Variants in CLVS1 observed in about 807,000 individuals in gnomAD.
CLVS1 encodes clavesin-1.
In CLVS1, 10 loss-of-function variants were observed where a neutral mutation model predicts 33.1. That is an observed-to-expected ratio of 0.30 (90% CI 0.19 to 0.51). The LOEUF (loss-of-function observed/expected upper bound fraction) is 0.51. Among genes scored for constraint, CLVS1 ranks in the 20% least tolerant of loss-of-function variants. The pLI, the probability that CLVS1 is intolerant of heterozygous loss-of-function variation, is 0.97. For missense variants in CLVS1, 343 were observed against 433.4 expected, an observed-to-expected ratio of 0.79 and a Z score of 1.85; for synonymous variants, 163 against 166.1, an observed-to-expected ratio of 0.98 and a Z score of 0.14.
chr8:61,001,127 T>C, the CLVS1 span, among the ~76,000 whole-genome samples: 1 of 152,174 alleles, frequency 6.6e-6, no homozygotes, highest in Non-Finnish European at 1.5e-5. Flanking sequence ...GTGGCGCCTT[T>C]TGCTGTTTCC....
At chr8:61,435,392 A>T (rs1378769448) in intron 3 of CLVS1, among the ~76,000 whole-genome samples, 8 of 152,214 alleles carry the variant, frequency 5.3e-5, no homozygotes, top group Non-Finnish European at 1.0e-4. Context: ...AGTGAGTTAG[A>T]ATTTTGTCTT....
At chr8:61,191,802 A>G (rs1325372721) in intron 2 of CLVS1, among the ~76,000 whole-genome samples, 1 of 152,200 alleles carries the variant, frequency 6.6e-6, no homozygotes, top group Non-Finnish European at 1.5e-5. Context: ...TAAAATACCT[A>G]GGAATCCAAC....
the CLVS1 span, among the ~76,000 whole-genome samples, chr8:60,993,765 G>A: frequency 2.0e-5 from 3 of 152,166 alleles, no homozygotes; most frequent in East Asian, 1.9e-4. Flanking sequence ...AGCTACCATC[G>A]GGTGGCAGGT....
the CLVS1 span, among the ~76,000 whole-genome samples, chr8:61,048,636 C>G: frequency 1.3e-5 from 2 of 152,140 alleles, no homozygotes; most frequent in Non-Finnish European, 2.9e-5. Flanking sequence ...CAATGACCAA[C>G]TGATATAGAG....
chr8:61,041,565 G>A, the CLVS1 span, among the ~76,000 whole-genome samples: 1 of 152,140 alleles, frequency 6.6e-6, no homozygotes, highest in Non-Finnish European at 1.5e-5. Flanking sequence ...TGTATTCCTG[G>A]ATATTTTATT....
chr8:61,206,879 G>T (rs978393129), intron 2 of CLVS1, among the ~76,000 whole-genome samples: 6 of 152,112 alleles, frequency 3.9e-5, no homozygotes, highest in Non-Finnish European at 7.4e-5. Context: ...GAGCCAGTGC[G>T]CCCGGCATCT....
At chr8:61,442,783 A>G (rs1816608683) in intron 3 of CLVS1, among the ~76,000 whole-genome samples, 1 of 152,172 alleles carries the variant, frequency 6.6e-6, no homozygotes, top group Non-Finnish European at 1.5e-5. Flanking sequence ...TATTTTTAAT[A>G]CAGATGGGGT....
chr8:61,199,847 C>G (rs1317187379), intron 2 of CLVS1, among the ~76,000 whole-genome samples: 2 of 152,216 alleles, frequency 1.3e-5, no homozygotes, highest in East Asian at 3.8e-4. Flanking sequence ...AGTCTTCCCC[C>G]TCATATTTTA....
At chr8:61,080,909 T>A (rs1234747810) in intron 1 of CLVS1, among the ~76,000 whole-genome samples, 3 of 152,146 alleles carry the variant, frequency 2.0e-5, no homozygotes, top group South Asian at 4.1e-4. Context: ...AAAGAGGTGG[T>A]GTTTGAAGAA....
intron 2 of CLVS1, among the ~76,000 whole-genome samples, chr8:61,195,158 A>T (rs924814384): frequency 4.6e-5 from 7 of 151,982 alleles, no homozygotes; most frequent in Admixed American, 2.0e-4. Context: ...AAAATATACA[A>T]GTAAGTAGTG....
the CLVS1 span, among the ~76,000 whole-genome samples, chr8:61,049,381 T>C: frequency 6.6e-6 from 1 of 152,232 alleles, no homozygotes; most frequent in Non-Finnish European, 1.5e-5. Flanking sequence ...TCAATTTATC[T>C]CCCTTTCTCC....
intron 2 of CLVS1, among the ~76,000 whole-genome samples, chr8:61,349,431 G>A (rs2129598862): frequency 6.6e-6 from 1 of 152,168 alleles, no homozygotes; most frequent in East Asian, 1.9e-4. Context: ...GGTGAGAGGA[G>A]GAGGAGGGAA....
At chr8:61,186,169 A>C (rs1807340764) in intron 2 of CLVS1, among the ~76,000 whole-genome samples, 1 of 152,188 alleles carries the variant, frequency 6.6e-6, no homozygotes, top group Non-Finnish European at 1.5e-5. Context: ...GAGTACGCAG[A>C]TAGGTTAACT....
chr8:61,467,465 C>A (rs1362866264), intron 5 of CLVS1, among the ~76,000 whole-genome samples: 1 of 152,150 alleles, frequency 6.6e-6, no homozygotes, highest in South Asian at 2.1e-4. Context: ...CAGGCTTTGT[C>A]CTGCCTCTGA....
intron 1 of CLVS1, among the ~76,000 whole-genome samples, chr8:61,063,931 A>T (rs1442829366): frequency 6.6e-6 from 1 of 152,124 alleles, no homozygotes; most frequent in African/African-American, 2.4e-5. Flanking sequence ...TTCTGTCTCT[A>T]TGAATTTGCC....
Position 61,232,022 on chromosome 8 carries a change from G to GTTTTTTTTTTTTTTT in CLVS1, c.-151-67655_-151-67654insTTTTTTTTTTTTTTT, listed in dbSNP as rs376185436. On this transcript the variant is annotated intron_variant, in intron 2 of 2. Coordinates refer to the CLVS1 transcript ENST00000522621. ...GAGAAGGAGCCCTGAGGAAAGTTGT[G>GTTTTTTTTTTTTTTT]GTTTTTTTTTTTTTTTTTTTTTTTT... 1.1e-4 allele frequency among the ~76,000 whole-genome samples: 13 copies of GTTTTTTTTTTTTTTT among 117,072 alleles called. 1 individual carries two copies. Among genetic ancestry groups the GTTTTTTTTTTTTTTT allele is most frequent in the African/African-American group, 5.4e-4 (12 of 22,346 alleles). The allele number at this position is 117,072 out of a possible 152,430, so 76.8% of individuals were successfully genotyped here.
At chr8:61,177,593 G>A (rs1807142717) in intron 2 of CLVS1, among the ~76,000 whole-genome samples, 1 of 152,048 alleles carries the variant, frequency 6.6e-6, no homozygotes. Flanking sequence ...GCATCAAGTT[G>A]GCGCCCCTCA....
At chr8:61,072,258 C>T (rs1224545606) in intron 1 of CLVS1, among the ~76,000 whole-genome samples, 2 of 152,204 alleles carry the variant, frequency 1.3e-5, no homozygotes, top group Non-Finnish European at 2.9e-5. Flanking sequence ...TCCACTTCCC[C>T]GCTCTGTGGC....
the CLVS1 span, among the ~76,000 whole-genome samples, chr8:60,969,293 T>C: frequency 6.6e-6 from 1 of 152,204 alleles, no homozygotes; most frequent in African/African-American, 2.4e-5. Context: ...CAATATTGCT[T>C]ATCTCAGGGC....
Sources: allele counts gnomAD v4.1 joint callset (sites outside exome capture counted in the v4.1 genomes callset), GRCh38; gene constraint gnomAD v4.1.1; transcripts MANE v1.5; gene names NCBI Gene and HGNC (gene_info 2026-07-23, HGNC 2026-07-21).